Variants in CLASP1 observed in about 807,000 individuals in gnomAD.
CLASP1 encodes the protein CLIP-associating protein 1.
A neutral mutation model predicts 192.3 loss-of-function variants in CLASP1; 38 were observed. The ratio of observed to expected loss-of-function variants is 0.20; its 90% confidence interval spans 0.15 to 0.26. The LOEUF (loss-of-function observed/expected upper bound fraction) is 0.26, where lower values mean the gene tolerates loss of function less well. CLASP1 is among the 10% of genes least tolerant of loss of function. The probability of loss-of-function intolerance (pLI) is 1.00; values close to 1 mark genes in which losing one functional copy is unlikely to be tolerated. For synonymous variants in CLASP1, 691 were observed against 712.8 expected (o/e 0.97, Z 0.49); for missense variants, 1,433 against 1,932.5 (o/e 0.74, Z 4.85).
chr2:121,631,350 C>T (rs1489210415), intron 1 of CLASP1, among the ~76,000 whole-genome samples: 1 of 141,004 alleles, frequency 7.1e-6, no homozygotes, highest in African/African-American at 2.7e-5. Flanking sequence ...TGCACTGGTA[C>T]GATCTTGGCT....
chr2:121,435,403 T>G (rs1293569503), intron 19 of CLASP1, among the ~76,000 whole-genome samples: 1 of 151,992 alleles, frequency 6.6e-6, no homozygotes, highest in Non-Finnish European at 1.5e-5. Context: ...GCCTCCCGAG[T>G]AGCTGGGAAT....
intron 2 of CLASP1, chr2:121,531,095 G>A (rs189825056): frequency 6.8e-5 from 44 of 651,482 alleles, no homozygotes; most frequent in South Asian, 1.4e-4. Context: ...AGTAGAGGGT[G>A]CACAAGACGC....
chr2:121,435,858 T>C (rs1212814966), intron 19 of CLASP1, among the ~76,000 whole-genome samples: 1 of 152,178 alleles, frequency 6.6e-6, no homozygotes, highest in African/African-American at 2.4e-5. Context: ...AATGGTAACA[T>C]CTTACAAAGC....
chr2:121,566,379 A>G (rs918365371), intron 2 of CLASP1, among the ~76,000 whole-genome samples: 2 of 152,238 alleles, frequency 1.3e-5, no homozygotes, highest in Non-Finnish European at 2.9e-5. Flanking sequence ...GTGCTGCACC[A>G]TATTTTGTGT....
At position 121,531,138 on chromosome 2, in the gene CLASP1, G is replaced by GTTTTTGCGGT. The variant is rs927836143; in HGVS notation, c.196-823_196-814dup. 4.9e-6 allele frequency: 3 copies of GTTTTTGCGGT among 612,392 alleles called. No individual in the cohort carries two copies. In the African/African-American group the frequency reaches 5.5e-5, roughly 11 times the overall value. The allele number at this position is 612,392 out of a possible 1,614,324, so 37.9% of individuals were successfully genotyped here. A position where few individuals can be genotyped will look rare whatever the true frequency, so the allele number is the denominator to read the frequency against. On this transcript the variant is annotated intron_variant, in intron 2 of 39. Transcript: ENST00000263710. ...TAGTGTCGCAAGTAAAGTTCTTTCA[G>GTTTTTGCGGT]TTTTTGCGGTGATTAAACGGGAAGG... is the stretch of plus-strand genomic sequence containing the variant.
chr2:121,407,946 T>G, intron 24 of CLASP1: 1 of 636,440 alleles, frequency 1.6e-6, no homozygotes, highest in Non-Finnish European at 2.9e-6. Context: ...TGGCCTCTAG[T>G]AAAGTGCGTA....
chr2:121,607,998 C>A (rs1479849887), intron 1 of CLASP1, among the ~76,000 whole-genome samples: 2 of 152,148 alleles, frequency 1.3e-5, no homozygotes, highest in Non-Finnish European at 2.9e-5. Flanking sequence ...GGAAGGATAG[C>A]ATTCAACGGG....
chr2:121,568,537 C>A (rs183326051), intron 2 of CLASP1, among the ~76,000 whole-genome samples: 1 of 150,906 alleles, frequency 6.6e-6, no homozygotes. Flanking sequence ...GCAAGTAACA[C>A]GCTCACAACT....
At chr2:121,464,406 T>C (rs1168584667) in intron 9 of CLASP1, among the ~76,000 whole-genome samples, 4 of 152,190 alleles carry the variant, frequency 2.6e-5, no homozygotes, top group Non-Finnish European at 4.4e-5. Context: ...TTCTAGATCC[T>C]TGAGGAATCG....
intron 19 of CLASP1, among the ~76,000 whole-genome samples, 183 bp from the exon 20 acceptor site, chr2:121,430,360 C>T (rs1330657128): frequency 1.3e-5 from 2 of 152,260 alleles, no homozygotes; most frequent in Non-Finnish European, 2.9e-5. Context: ...TGCGCACATG[C>T]GCATATGATC....
intron 7 of CLASP1, chr2:121,505,087 CCTCA>C (rs1161896187): frequency 4.6e-5 from 7 of 152,178 alleles, no homozygotes; most frequent in Admixed American, 2.0e-4. Flanking sequence ...CAGGGCATGC[CCTCA>C]CTAAGGCACT....
At chr2:121,464,698 G>A (rs1041392091) in intron 9 of CLASP1, among the ~76,000 whole-genome samples, 3 of 152,084 alleles carry the variant, frequency 2.0e-5, no homozygotes, top group Non-Finnish European at 4.4e-5. Context: ...GGGGTTGTTT[G>A]TTTTTTTCTT....
intron 23 of CLASP1, among the ~76,000 whole-genome samples, chr2:121,417,472 T>C (rs1382897037): frequency 2.0e-5 from 3 of 149,634 alleles, no homozygotes; most frequent in African/African-American, 5.0e-5. Context: ...AAAAAAATCA[T>C]TGCCACCTCT....
intron 29 of CLASP1, among the ~76,000 whole-genome samples, chr2:121,397,873 T>C (rs2149441891): frequency 6.6e-6 from 1 of 152,352 alleles, no homozygotes. Context: ...GTCTTGTTAT[T>C]ACAGGTATGA....
At chr2:121,405,003 T>C (rs1410516853) in intron 25 of CLASP1, among the ~76,000 whole-genome samples, 1 of 152,168 alleles carries the variant, frequency 6.6e-6, no homozygotes, top group African/African-American at 2.4e-5. Flanking sequence ...TTAATCTCAG[T>C]TCTGCTGTAA....
chr2:121,635,015 C>G (rs2070539980), intron 1 of CLASP1, among the ~76,000 whole-genome samples: 1 of 152,040 alleles, frequency 6.6e-6, no homozygotes, highest in Non-Finnish European at 1.5e-5. Context: ...ATGCTTCCTA[C>G]TAAGGGAGTT....
chr2:121,543,568 CGCG>C (rs996719468), intron 2 of CLASP1, among the ~76,000 whole-genome samples: 17 of 152,068 alleles, frequency 1.1e-4, no homozygotes, highest in African/African-American at 2.7e-4. Context: ...CAGCCCCCAG[CGCG>C]CCAACAGGAC....
exon 13 of CLASP1, chr2:121,458,964 G>A: frequency 6.2e-7 from 1 of 1,603,508 alleles, no homozygotes; most frequent in African/African-American, 1.3e-5. Context: ...CCCCAGAACT[G>A]ATGACAGATG....
chr2:121,572,144 T>G (rs183063600), intron 2 of CLASP1, among the ~76,000 whole-genome samples: 1 of 152,224 alleles, frequency 6.6e-6, no homozygotes, highest in Non-Finnish European at 1.5e-5. Flanking sequence ...GATAAAATAA[T>G]AGGGCCAGGC....
Sources: allele counts gnomAD v4.1 joint callset (sites outside exome capture counted in the v4.1 genomes callset), GRCh38; gene constraint gnomAD v4.1.1; transcripts MANE v1.5; gene names NCBI Gene and HGNC (gene_info 2026-07-23, HGNC 2026-07-21).